BCAT1: variants seen among roughly 807,000 people sequenced by gnomAD.
The protein encoded by BCAT1 is branched chain amino acid transaminase 1.
BCAT1 carries 48 observed loss-of-function variants against 52.4 expected under a neutral mutation model. The observed-to-expected ratio is 0.92, with a 90% CI of 0.73 to 1.16. The LOEUF (loss-of-function observed/expected upper bound fraction) is 1.16. Ranked by LOEUF, BCAT1 falls within the 50% of genes most tolerant of loss-of-function variation. The probability of loss-of-function intolerance (pLI) is 0.00; values close to 1 mark genes in which losing one functional copy is unlikely to be tolerated. For missense variants in BCAT1, 451 were observed against 457.1 expected, an observed-to-expected ratio of 0.99 and a Z score of 0.12; for synonymous variants, 167 against 161.3, an observed-to-expected ratio of 1.04 and a Z score of -0.27.
intron 7 of BCAT1, among the ~76,000 whole-genome samples, chr12:24,838,066 A>T (rs1353763335): frequency 6.6e-6 from 1 of 152,036 alleles, no homozygotes; most frequent in African/African-American, 2.4e-5. Flanking sequence ...CAGGAGTCTG[A>T]ATCTAGTGAG....
intron 5 of BCAT1, among the ~76,000 whole-genome samples, chr12:24,855,525 C>A (rs35277052): frequency 2.0e-5 from 3 of 152,088 alleles, no homozygotes; most frequent in Non-Finnish European, 4.4e-5. Flanking sequence ...GGATTACAGG[C>A]GTGCACCACC....
At chr12:24,826,055 T>A (rs944432462) in intron 10 of BCAT1, among the ~76,000 whole-genome samples, 1 of 152,002 alleles carries the variant, frequency 6.6e-6, no homozygotes, top group African/African-American at 2.4e-5. Context: ...CTACAAAAAA[T>A]TTAAAAATTA....
chr12:24,873,143 T>G (rs1487880373), intron 5 of BCAT1, among the ~76,000 whole-genome samples: 2 of 152,256 alleles, frequency 1.3e-5, no homozygotes, highest in East Asian at 3.8e-4. Flanking sequence ...AAGTATCCAA[T>G]ATTGAACATG....
chr12:24,902,929 C>T (rs762948205), intron 1 of BCAT1: 23 of 1,510,808 alleles, frequency 1.5e-5, no homozygotes, highest in Non-Finnish European at 1.9e-5. Flanking sequence ...CTTCCGCAAA[C>T]GCCCGGGTTC....
intron 7 of BCAT1, among the ~76,000 whole-genome samples, chr12:24,838,717 A>G (rs1941078569): frequency 6.6e-6 from 1 of 152,234 alleles, no homozygotes. Context: ...CCAGACAGAG[A>G]TGATGACATG....
At chr12:24,858,782 T>C (rs1941765916) in intron 5 of BCAT1, among the ~76,000 whole-genome samples, 1 of 152,240 alleles carries the variant, frequency 6.6e-6, no homozygotes, top group African/African-American at 2.4e-5. Flanking sequence ...TAGAATGTGT[T>C]TTTGGTAAAA....
At chr12:24,881,177 T>A (rs149834341) in intron 4 of BCAT1, 124 bp downstream of exon 4, 1 of 701,748 alleles carries the variant, frequency 1.4e-6, no homozygotes, top group Non-Finnish European at 2.3e-6. Context: ...TCAGAAATAA[T>A]GTTAATGTTC....
intron 5 of BCAT1, among the ~76,000 whole-genome samples, chr12:24,866,544 G>T (rs1942019458): frequency 6.6e-6 from 1 of 152,250 alleles, no homozygotes; most frequent in South Asian, 2.1e-4. Context: ...GATACACTGG[G>T]TGAAGCCAGC....
intron 1 of BCAT1, among the ~76,000 whole-genome samples, chr12:24,923,144 G>A (rs1943526774): frequency 6.6e-6 from 1 of 152,164 alleles, no homozygotes; most frequent in Non-Finnish European, 1.5e-5. Context: ...CCAGAAGGAA[G>A]CAGATGTTCA....
intron 1 of BCAT1, among the ~76,000 whole-genome samples, chr12:24,948,564 C>T (rs1290612874): frequency 1.3e-5 from 2 of 152,204 alleles, no homozygotes; most frequent in African/African-American, 2.4e-5. Flanking sequence ...ATCCCCAGAC[C>T]TCCTCTCCAA....
chr12:24,919,506 G>A (rs1457400863), intron 1 of BCAT1, among the ~76,000 whole-genome samples: 1 of 152,134 alleles, frequency 6.6e-6, no homozygotes, highest in African/African-American at 2.4e-5. Context: ...TAATGTCCCT[G>A]AACCTCGGCC....
intron 1 of BCAT1, among the ~76,000 whole-genome samples, chr12:24,935,865 C>T (rs1943745945): frequency 6.6e-6 from 1 of 152,208 alleles, no homozygotes; most frequent in African/African-American, 2.4e-5. Context: ...ACATGGTCCT[C>T]ATTTCTTTCT....
chr12:24,880,329 C>A (rs1378119793), intron 4 of BCAT1, among the ~76,000 whole-genome samples: 3 of 152,150 alleles, frequency 2.0e-5, no homozygotes, highest in Non-Finnish European at 1.5e-5. Context: ...TGGCTGCGTG[C>A]ACTTGTAATC....
At chr12:24,892,561 A>G (rs1299873122) in intron 3 of BCAT1, among the ~76,000 whole-genome samples, 1 of 152,198 alleles carries the variant, frequency 6.6e-6, no homozygotes, top group Admixed American at 6.5e-5. Flanking sequence ...TTTCAAATTT[A>G]AAAGCACATA....
chr12:24,945,351 A>G (rs1943920201), intron 1 of BCAT1: 1 of 152,214 alleles, frequency 6.6e-6, no homozygotes, highest in Non-Finnish European at 1.5e-5. Flanking sequence ...TCTTGGCTGA[A>G]CTGCATACAA....
At chr12:24,867,143 AAC>A (rs1942043672) in intron 5 of BCAT1, among the ~76,000 whole-genome samples, 1 of 152,046 alleles carries the variant, frequency 6.6e-6, no homozygotes, top group South Asian at 2.1e-4. Flanking sequence ...CTCCTGAGCC[AAC>A]GAGACCACGA....
At chr12:24,891,817 C>T (rs1353132012) in intron 3 of BCAT1, among the ~76,000 whole-genome samples, 1 of 151,094 alleles carries the variant, frequency 6.6e-6, no homozygotes, top group East Asian at 1.9e-4. Flanking sequence ...GGCGTGATCT[C>T]GGCTCACTGC....
At chr12:24,887,212 G>A (rs1005740099) in intron 3 of BCAT1, among the ~76,000 whole-genome samples, 11 of 150,180 alleles carry the variant, frequency 7.3e-5, no homozygotes, top group Non-Finnish European at 1.5e-4. Context: ...TCTGCCTGCA[G>A]GTGGTATGGG....
chr12:24,842,107 A>C lies in BCAT1; in HGVS notation c.792T>G (p.Phe264Leu), dbSNP rs371256913. 1 of 1,613,780 alleles carries C rather than the reference A, an allele frequency of 6.2e-7. No homozygotes were observed. Among genetic ancestry groups the C allele is most frequent in the African/African-American group, 1.3e-5 (1 of 74,940 alleles). The change falls in exon 7 of 11, where the codon TTT becomes TTG. Residue 264 changes from phenylalanine (F) to leucine (L), a missense_variant. Transcript: ENST00000261192. ...CTCCATCTTCATTTATCCAGTAAAG[A>C]AAAAGATTCATAGTTCCCACTTCAG... Reference protein sequence around the residue: ...QITEVGTMNLFLYWINEDGEE... With the variant: ...QITEVGTMNLLLYWINEDGEE...
Sources: allele counts gnomAD v4.1 joint callset (sites outside exome capture counted in the v4.1 genomes callset), GRCh38; gene constraint gnomAD v4.1.1; transcripts MANE v1.5; gene names NCBI Gene and HGNC (gene_info 2026-07-23, HGNC 2026-07-21).